The following COL5A2 variants were observed in gnomAD, a reference collection of about 807,000 sequenced individuals.
COL5A2 encodes collagen alpha-2(V) chain.
In COL5A2, 23 loss-of-function variants were observed where a neutral mutation model predicts 208.2. The ratio of observed to expected loss-of-function variants is 0.11; its 90% CI spans 0.08 to 0.16. COL5A2 has a LOEUF of 0.16. Among genes scored for constraint, COL5A2 ranks in the 10% least tolerant of loss-of-function variants. The probability of loss-of-function intolerance (pLI) is 1.00; values close to 1 mark genes in which losing one functional copy is unlikely to be tolerated. For missense variants in COL5A2, 1,590 were observed against 1,956.4 expected (o/e 0.81, Z 3.53); for synonymous variants, 625 against 628.5 (o/e 0.99, Z 0.08).
the COL5A2 span, among the ~76,000 whole-genome samples, chr2:189,391,466 C>A: frequency 7.2e-5 from 11 of 152,080 alleles, no homozygotes; most frequent in Non-Finnish European, 1.2e-4. Context: ...CACAAAAGTG[C>A]AGAACTAGGG....
At chr2:189,340,113 G>T in the COL5A2 span, among the ~76,000 whole-genome samples, 42 of 152,250 alleles carry the variant, frequency 2.8e-4, no homozygotes, top group Non-Finnish European at 5.6e-4. Flanking sequence ...TAGACCATCA[G>T]CAGGGTAAGG....
intron 7 of COL5A2, among the ~76,000 whole-genome samples, chr2:189,089,330 C>A (rs1045820691): frequency 1.3e-5 from 2 of 152,046 alleles, no homozygotes; most frequent in African/African-American, 4.8e-5. Flanking sequence ...ACAGTTTGAC[C>A]TACTCTCTTT....
chr2:189,273,419 C>T, the COL5A2 span, among the ~76,000 whole-genome samples: 2 of 151,914 alleles, frequency 1.3e-5, no homozygotes, highest in Non-Finnish European at 2.9e-5. Context: ...TAAATTAATA[C>T]AGCTATTATT....
the COL5A2 span, among the ~76,000 whole-genome samples, chr2:189,296,462 C>A: frequency 1.3e-5 from 2 of 152,114 alleles, no homozygotes; most frequent in Non-Finnish European, 2.9e-5. Flanking sequence ...TTTCTCTTAA[C>A]AATAGATCAC....
chr2:189,097,521 A>T lies in COL5A2; in HGVS notation c.403-191T>A, dbSNP rs181409076. 1.4e-5 allele frequency: 10 copies of T among 697,196 alleles called. No homozygotes were observed. The East Asian group carries it at 2.7e-4, about 19-fold the overall frequency. The allele number at this position is 697,196 out of a possible 1,614,324, so 43.2% of individuals were successfully genotyped here. ...GCTTAGAAGCGTTGTTTATGTTATC[A>T]GTGACATTTAAAGACCTATGAAGAA... On this transcript the variant is annotated intron_variant, in intron 5 of 53. Transcript: ENST00000374866.
At chr2:189,341,373 C>A in the COL5A2 span, among the ~76,000 whole-genome samples, 1 of 152,092 alleles carries the variant, frequency 6.6e-6, no homozygotes, top group Non-Finnish European at 1.5e-5. Flanking sequence ...TAATTGCTGG[C>A]ATTCTAGTGA....
chr2:189,127,589 T>C (rs150453000), intron 1 of COL5A2, among the ~76,000 whole-genome samples: 1 of 152,058 alleles, frequency 6.6e-6, no homozygotes, highest in East Asian at 1.9e-4. Context: ...TCTTTGATTG[T>C]CATGTATTTT....
chr2:189,060,544 C>T (rs1376745065), intron 31 of COL5A2, among the ~76,000 whole-genome samples, 186 bp downstream of exon 31: 1 of 152,170 alleles, frequency 6.6e-6, no homozygotes, highest in African/African-American at 2.4e-5. Context: ...AGTTATCTAA[C>T]ATCTGTATGC....
the COL5A2 span, among the ~76,000 whole-genome samples, chr2:189,239,541 T>G: frequency 6.9e-6 from 1 of 145,050 alleles, no homozygotes; most frequent in African/African-American, 2.6e-5. Flanking sequence ...ACACCGCATA[T>G]TCTCACTCAT....
chr2:189,076,001 C>G (rs985393537), intron 16 of COL5A2, among the ~76,000 whole-genome samples: 5 of 152,112 alleles, frequency 3.3e-5, no homozygotes, highest in Non-Finnish European at 7.4e-5. Flanking sequence ...TTGGTCAATG[C>G]AGGGATACAA....
chr2:189,166,949 G>A (rs1384182136), intron 1 of COL5A2, among the ~76,000 whole-genome samples: 2 of 152,138 alleles, frequency 1.3e-5, no homozygotes, highest in African/African-American at 4.8e-5. Flanking sequence ...AGGTCAGGCT[G>A]GAAGGAAAAG....
intron 1 of COL5A2, among the ~76,000 whole-genome samples, chr2:189,212,071 A>C (rs1166673982): frequency 2.0e-5 from 3 of 152,172 alleles, no homozygotes; most frequent in Non-Finnish European, 4.4e-5. Context: ...TGGCACAGTG[A>C]GGGGATTATT....
At chr2:189,076,395 T>TCACC in intron 16 of COL5A2, among the ~76,000 whole-genome samples, 1 of 152,274 alleles carries the variant, frequency 6.6e-6, no homozygotes, top group East Asian at 1.9e-4. Flanking sequence ...GAAAATATTG[T>TCACC]CACCAATGGT....
chr2:189,401,609 T>G, the COL5A2 span, among the ~76,000 whole-genome samples: 2 of 152,212 alleles, frequency 1.3e-5, no homozygotes, highest in African/African-American at 4.8e-5. Context: ...CAAATAATAT[T>G]TCTGCCTCTA....
the COL5A2 span, among the ~76,000 whole-genome samples, chr2:189,421,886 T>G: frequency 3.3e-5 from 5 of 152,268 alleles, no homozygotes; most frequent in East Asian, 5.8e-4. Context: ...CCAGCTTCAG[T>G]AACCACAAGA....
At chr2:189,427,891 G>A in the COL5A2 span, among the ~76,000 whole-genome samples, 1 of 152,170 alleles carries the variant, frequency 6.6e-6, no homozygotes, top group Non-Finnish European at 1.5e-5. Context: ...CATGGGGCCT[G>A]TAGCCCCTTG....
At chr2:189,416,981 C>T in the COL5A2 span, among the ~76,000 whole-genome samples, 2 of 151,948 alleles carry the variant, frequency 1.3e-5, no homozygotes, top group East Asian at 1.9e-4. Context: ...TTCATATGTT[C>T]ACTTATTAAT....
In COL5A2 at chr2:189,194,159, T is replaced by C. The variant is rs570478874; in HGVS notation, c.-42+30989A>G. Among the ~76,000 whole-genome samples, 6 of 152,258 alleles carry C rather than the reference T, an allele frequency of 3.9e-5. No homozygotes were observed. In the East Asian group the frequency reaches 9.6e-4, roughly 24 times the overall value. ...AAGTTATTTGGGGTCCTCAATAATTTTAAGAGTACAAAGGGCTCCTGATAC... is the reference window on the plus strand; with the variant it reads ...AAGTTATTTGGGGTCCTCAATAATTCTAAGAGTACAAAGGGCTCCTGATAC... On this transcript the variant is annotated intron_variant, in intron 1 of 10. Coordinates refer to the COL5A2 transcript ENST00000649966.
upstream of COL5A2, among the ~76,000 whole-genome samples, chr2:189,227,303 T>G (rs1689434195): frequency 6.6e-6 from 1 of 152,082 alleles, no homozygotes; most frequent in African/African-American, 2.4e-5. Context: ...ACATCATAAA[T>G]AAAGATGCTC....
Sources: allele counts gnomAD v4.1 joint callset (sites outside exome capture counted in the v4.1 genomes callset), GRCh38; gene constraint gnomAD v4.1.1; transcripts MANE v1.5; gene names NCBI Gene and HGNC (gene_info 2026-07-23, HGNC 2026-07-21).